Variants in PARP9 observed in about 807,000 individuals in gnomAD.
The protein encoded by PARP9 is poly(ADP-ribose) polymerase family member 9, also known as protein mono-ADP-ribosyltransferase PARP9.
Under a neutral mutation model 68.8 loss-of-function variants are expected in PARP9, and 48 were observed. The observed-to-expected ratio is 0.70, with a 90% CI of 0.55 to 0.89. The LOEUF is 0.89. Among genes scored for constraint, PARP9 ranks in the 40% least tolerant of loss-of-function variants. The pLI, the probability that PARP9 is intolerant of heterozygous loss-of-function variation, is 0.00. For synonymous variants in PARP9, 309 were observed against 333.8 expected, an observed-to-expected ratio of 0.93 and a Z score of 0.81; for missense variants, 806 against 969.3, an observed-to-expected ratio of 0.83 and a Z score of 2.24.
chr3:122,537,780 C>T (rs1303228829), intron 8 of PARP9, among the ~76,000 whole-genome samples: 3 of 151,988 alleles, frequency 2.0e-5, no homozygotes, highest in Non-Finnish European at 4.4e-5. Flanking sequence ...CTTTCTCCTC[C>T]TCCCATTTCC....
chr3:122,560,919 C>A (rs1220628296), intron 1 of PARP9, among the ~76,000 whole-genome samples: 1 of 152,208 alleles, frequency 6.6e-6, no homozygotes, highest in African/African-American at 2.4e-5. Context: ...GCACCTGTTT[C>A]TGTCTTCAGG....
chr3:122,558,319 A>C (rs1253297205), intron 3 of PARP9, 115 bp downstream of exon 3: 2 of 1,613,430 alleles, frequency 1.2e-6, no homozygotes, highest in African/African-American at 2.7e-5. Flanking sequence ...AAGGGTCTGC[A>C]GTCACGCACC....
chr3:122,551,112 C>G (rs1045215479), intron 5 of PARP9, among the ~76,000 whole-genome samples: 3 of 152,218 alleles, frequency 2.0e-5, no homozygotes, highest in Non-Finnish European at 4.4e-5. Flanking sequence ...CTGTTTACCC[C>G]ATTCACCTGC....
intron 6 of PARP9, among the ~76,000 whole-genome samples, chr3:122,548,281 A>C (rs1017785183): frequency 5.3e-5 from 8 of 152,220 alleles, no homozygotes; most frequent in African/African-American, 1.9e-4. Context: ...GCAGAGATAA[A>C]ATGGCAACCA....
intron 1 of PARP9, among the ~76,000 whole-genome samples, chr3:122,562,243 C>A (rs570013022): frequency 6.6e-6 from 1 of 151,266 alleles, no homozygotes. Flanking sequence ...CAGGCTGTGG[C>A]GCGATCTTGG....
At chr3:122,549,171 C>T (rs774565792) in intron 6 of PARP9, among the ~76,000 whole-genome samples, 9 of 152,068 alleles carry the variant, frequency 5.9e-5, no homozygotes, top group Admixed American at 1.3e-4. Flanking sequence ...TGTGCCACCA[C>T]GCCTGGCTAA....
intron 6 of PARP9, among the ~76,000 whole-genome samples, chr3:122,550,239 C>T (rs1199214901): frequency 6.6e-6 from 1 of 152,064 alleles, no homozygotes; most frequent in East Asian, 1.9e-4. Context: ...GCCACCACGC[C>T]CAGCTAATTT....
intron 8 of PARP9, among the ~76,000 whole-genome samples, chr3:122,540,021 T>C (rs888419294): frequency 1.3e-5 from 2 of 152,254 alleles, no homozygotes; most frequent in African/African-American, 4.8e-5. Context: ...TATAACTTCA[T>C]TGGCGAGAGG....
chr3:122,564,652 G>T (rs1426429100), upstream of PARP9: 4 of 1,560,434 alleles, frequency 2.6e-6, no homozygotes, highest in Non-Finnish European at 2.6e-6. Flanking sequence ...GCCCTCTGGG[G>T]GCCCGGCCCC....
At chr3:122,553,938 G>C (rs1478194230) in intron 4 of PARP9, among the ~76,000 whole-genome samples, 1 of 152,064 alleles carries the variant, frequency 6.6e-6, no homozygotes, top group Non-Finnish European at 1.5e-5. Context: ...TCTCCGTCTA[G>C]CAGGGGAGCT....
rs11925754 is a variant in PARP9 at position 122,534,566 on chromosome 3, A to G, written c.2080+1602T>C. ...ATATAATGAGTATGTTGGGGGCAGT[A>G]TCTTGCCTTTAAGCTTTAAGAGAGA... On this transcript the variant is annotated intron_variant, in intron 10 of 10. Transcript: ENST00000682323. The G allele has an allele frequency of 1.2e-3, 658 of 555,388 alleles. 6 individuals carry two copies. In the African/African-American group the frequency reaches 0.012, roughly 10 times the overall value. 34.4% of individuals were successfully genotyped at this position (555,388 alleles called of 1,614,324 possible).
chr3:122,544,850 A>G (rs969859718), intron 7 of PARP9, among the ~76,000 whole-genome samples: 15 of 152,156 alleles, frequency 9.9e-5, no homozygotes, highest in African/African-American at 3.6e-4. Context: ...AGAAAAGAAA[A>G]TATGCTCGGC....
rs759643760 is a variant in PARP9, at chr3:122,558,438, T to G, written c.45A>C (p.Lys15Asn). Residue 15 changes from lysine (K) to asparagine (N), a missense_variant, in exon 3 of 11, where the codon AAA (lysine) becomes AAC (asparagine). Transcript: ENST00000682323. The stretch of plus-strand genomic sequence containing the variant: ...GTGAGAGCGAGGTAATCCTACCTGA[T>G]TTTTCATTGTAAGCTGCTGCTCCGG... ...MVAGAAAYNE[K>N]SETGALGENY... 4.3e-6 allele frequency: 7 copies of G among 1,613,936 alleles called. No individual in the cohort carries two copies. The highest frequency in any genetic ancestry group is 1.3e-5 in the African/African-American group (1 of 74,918).
At chr3:122,543,752 T>C (rs113105355) in intron 7 of PARP9, among the ~76,000 whole-genome samples, 21,974 of 152,088 alleles carry the variant, frequency 0.14, 1,658 homozygotes, top group Middle Eastern at 0.3. Context: ...GCTGGGACTA[T>C]AGGTATGCAC....
At chr3:122,545,682 T>A in intron 6 of PARP9, 193 bp from the exon 7 acceptor site, 1 of 568,728 alleles carries the variant, frequency 1.8e-6, no homozygotes, top group Non-Finnish European at 3.1e-6. Context: ...ACGGAAAGAA[T>A]AAGCATAGGA....
rs540810056 is a variant in PARP9, at chr3:122,550,447, C to T, written c.1326+137G>A. On this transcript the variant is annotated intron_variant, in intron 6 of 10. Transcript: ENST00000682323. ...GACAATCTGTAAAAATTAAACTTCA[C>T]CAAGTTAGAACACCACCACACTGTA... 10 of 714,582 alleles carry T rather than the reference C, an allele frequency of 1.4e-5. No individual in the cohort carries two copies. In the African/African-American group the frequency reaches 1.4e-4, roughly 10 times the overall value. 44.3% of individuals were successfully genotyped at this position (714,582 alleles called of 1,614,324 possible). A position where few individuals can be genotyped will look rare whatever the true frequency, so the allele number is the denominator to read the frequency against.
chr3:122,553,037 C>T (rs866044269), intron 4 of PARP9, among the ~76,000 whole-genome samples: 2 of 151,884 alleles, frequency 1.3e-5, no homozygotes, highest in East Asian at 1.9e-4. Context: ...TGTTTTGTCT[C>T]GTTTTAAATA....
At chr3:122,558,541 C>A in intron 2 of PARP9, 74 bp from the exon 3 acceptor site, 1 of 1,531,680 alleles carries the variant, frequency 6.5e-7, no homozygotes, top group South Asian at 1.2e-5. Flanking sequence ...CCAATACACC[C>A]TAGTAAACAC....
At chr3:122,534,153 A>G (rs2077484042) in intron 10 of PARP9, 1 of 819,648 alleles carries the variant, frequency 1.2e-6, no homozygotes, top group East Asian at 1.2e-4. Context: ...GAAAGACTAT[A>G]TGGAGACAAG....
Sources: gnomAD v4.1 joint callset for allele counts (sites outside exome capture counted in the v4.1 genomes callset) on GRCh38, gnomAD v4.1.1 for gene constraint, MANE v1.5 for transcripts, NCBI Gene and HGNC (gene_info 2026-07-23, HGNC 2026-07-21) for gene names.